The following SNTG1 variants were observed in gnomAD, a reference collection of about 807,000 sequenced individuals.
The protein encoded by SNTG1 is gamma-1-syntrophin.
Under a neutral mutation model 74.7 loss-of-function variants are expected in SNTG1, and 39 were observed. The ratio of observed to expected loss-of-function variants is 0.52; its 90% CI spans 0.40 to 0.68. The LOEUF (loss-of-function observed/expected upper bound fraction) is 0.68, where lower values mean the gene tolerates loss of function less well. SNTG1 is among the 30% of genes least tolerant of loss of function. The pLI, the probability that SNTG1 is intolerant of heterozygous loss-of-function variation, is 0.00. For synonymous variants in SNTG1, 254 were observed against 217.1 expected, an observed-to-expected ratio of 1.17 and a Z score of -1.49; for missense variants, 685 against 609.5, an observed-to-expected ratio of 1.12 and a Z score of -1.30.
intron 8 of SNTG1, among the ~76,000 whole-genome samples, chr8:50,485,513 G>A (rs1336648155): frequency 1.3e-5 from 2 of 151,648 alleles, no homozygotes; most frequent in South Asian, 2.1e-4. Context: ...TTTTTGATGG[G>A]GTTGTTTGTT....
At chr8:50,084,672 T>C (rs1157663688) in intron 1 of SNTG1, among the ~76,000 whole-genome samples, 3 of 152,216 alleles carry the variant, frequency 2.0e-5, no homozygotes, top group Non-Finnish European at 4.4e-5. Flanking sequence ...ATGGCTTAAA[T>C]GTCTCTGAAA....
At chr8:50,342,148 T>A (rs2091335431) in intron 2 of SNTG1, among the ~76,000 whole-genome samples, 1 of 152,088 alleles carries the variant, frequency 6.6e-6, no homozygotes, top group Admixed American at 6.5e-5. Flanking sequence ...AATAGACCTG[T>A]ATAAAAGGCA....
intron 1 of SNTG1, among the ~76,000 whole-genome samples, chr8:50,058,185 G>A (rs1310773207): frequency 5.9e-5 from 9 of 152,094 alleles, no homozygotes; most frequent in Admixed American, 5.9e-4. Flanking sequence ...TACCACCAGA[G>A]GCACTTGTAC....
At chr8:50,727,038 T>C (rs148461157) in intron 17 of SNTG1, among the ~76,000 whole-genome samples, 2 of 152,100 alleles carry the variant, frequency 1.3e-5, no homozygotes, top group Admixed American at 1.3e-4. Context: ...CATTATACAA[T>C]GTGGAATGTC....
intron 1 of SNTG1, among the ~76,000 whole-genome samples, chr8:50,006,823 T>C (rs972081658): frequency 3.9e-5 from 6 of 152,144 alleles, no homozygotes; most frequent in Non-Finnish European, 7.3e-5. Flanking sequence ...GCCTCGTGCT[T>C]GTCAAGCTAC....
At chr8:50,131,814 G>A (rs1360681842) in intron 1 of SNTG1, among the ~76,000 whole-genome samples, 1 of 151,924 alleles carries the variant, frequency 6.6e-6, no homozygotes. Context: ...CAACAAGGAT[G>A]TCCCTCTCTT....
chr8:50,489,619 GTTGT>G (rs891688549), intron 8 of SNTG1, among the ~76,000 whole-genome samples: 2 of 152,176 alleles, frequency 1.3e-5, no homozygotes, highest in Non-Finnish European at 2.9e-5. Flanking sequence ...TTTTGATGGA[GTTGT>G]TTGTTTTTTC....
chr8:50,110,299 G>A (rs2080533905), intron 1 of SNTG1, among the ~76,000 whole-genome samples: 1 of 152,078 alleles, frequency 6.6e-6, no homozygotes, highest in African/African-American at 2.4e-5. Context: ...AGTGGTCTCT[G>A]GGGTGTGAGA....
intron 15 of SNTG1, among the ~76,000 whole-genome samples, chr8:50,683,188 C>T (rs999527519): frequency 1.3e-5 from 2 of 152,124 alleles, no homozygotes; most frequent in African/African-American, 4.8e-5. Flanking sequence ...GGTTGAATGC[C>T]TACTATGGAT....
At chr8:50,545,480 C>T (rs936338987) in intron 11 of SNTG1, among the ~76,000 whole-genome samples, 108 of 142,166 alleles carry the variant, frequency 7.6e-4, no homozygotes, top group Non-Finnish European at 1.4e-3. Flanking sequence ...ATATTATATA[C>T]ATGTTATATA....
intron 2 of SNTG1, among the ~76,000 whole-genome samples, chr8:50,353,948 G>T (rs1318472719): frequency 1.3e-5 from 2 of 152,202 alleles, no homozygotes; most frequent in Non-Finnish European, 2.9e-5. Flanking sequence ...TGTTTCAAAA[G>T]GACTAATTGA....
At chr8:50,156,968 G>T (rs2082273842) in intron 1 of SNTG1, among the ~76,000 whole-genome samples, 1 of 152,128 alleles carries the variant, frequency 6.6e-6, no homozygotes, top group East Asian at 1.9e-4. Flanking sequence ...ATAAAATCAA[G>T]TGTTCATAGC....
chr8:50,265,569 A>C (rs970248824), intron 2 of SNTG1, among the ~76,000 whole-genome samples: 4 of 152,072 alleles, frequency 2.6e-5, no homozygotes, highest in Admixed American at 2.6e-4. Flanking sequence ...GAGCAAGAAA[A>C]GAGTATTTGC....
At chr8:50,438,721 T>C (rs947498175) in intron 5 of SNTG1, 122 bp downstream of exon 5, 1 of 696,370 alleles carries the variant, frequency 1.4e-6, no homozygotes, top group Admixed American at 2.7e-5. Flanking sequence ...CCTTAATATT[T>C]GGACGGGGAT....
chr8:50,558,246 C>A (rs908446190), intron 12 of SNTG1, among the ~76,000 whole-genome samples: 1 of 152,184 alleles, frequency 6.6e-6, no homozygotes, highest in African/African-American at 2.4e-5. Context: ...ATGGCAGCAG[C>A]TGCATGGCCA....
intron 1 of SNTG1, among the ~76,000 whole-genome samples, chr8:49,967,793 A>G (rs911270929): frequency 1.3e-5 from 2 of 152,222 alleles, no homozygotes; most frequent in African/African-American, 4.8e-5. Flanking sequence ...CTAGGCTGGC[A>G]TTTAATGGAA....
At chr8:49,976,244 A>AATAGGAAAAT (rs1812178580) in intron 1 of SNTG1, among the ~76,000 whole-genome samples, 1 of 152,206 alleles carries the variant, frequency 6.6e-6, no homozygotes, top group Non-Finnish European at 1.5e-5. Context: ...AATGGAAAGA[A>AATAGGAAAAT]ATAGGAAAAT....
chr8:50,056,870 T>G (rs1330718298), intron 1 of SNTG1, among the ~76,000 whole-genome samples: 1 of 152,202 alleles, frequency 6.6e-6, no homozygotes, highest in Non-Finnish European at 1.5e-5. Context: ...AGGGCAGGCA[T>G]GTTTTATTTC....
intron 2 of SNTG1, among the ~76,000 whole-genome samples, chr8:50,362,837 A>G (rs1191039020): frequency 6.6e-6 from 1 of 152,174 alleles, no homozygotes; most frequent in African/African-American, 2.4e-5. Flanking sequence ...GACACATAAG[A>G]TTGATATAAA....
Sources: allele counts gnomAD v4.1 joint callset (sites outside exome capture counted in the v4.1 genomes callset), GRCh38; gene constraint gnomAD v4.1.1; transcripts MANE v1.5; gene names NCBI Gene and HGNC (gene_info 2026-07-23, HGNC 2026-07-21).